KIF21A: variants seen among roughly 807,000 people sequenced by gnomAD.
The protein encoded by KIF21A is kinesin family member 21A, also known as kinesin-like protein KIF21A.
KIF21A carries 114 observed loss-of-function variants against 202.9 expected under a neutral mutation model. The ratio of observed to expected loss-of-function variants is 0.56; its 90% CI spans 0.48 to 0.66. KIF21A has a LOEUF of 0.66. Ranked by LOEUF, KIF21A falls within the 30% of genes least tolerant of loss-of-function variation. The pLI is 0.00. For synonymous variants in KIF21A, 667 were observed against 670.8 expected (o/e 0.99, Z 0.09); for missense variants, 1,677 against 1,994.9 (o/e 0.84, Z 3.04).
chr12:39,420,041 G>C (rs1050514369), intron 1 of KIF21A, among the ~76,000 whole-genome samples: 4 of 133,654 alleles, frequency 3.0e-5, no homozygotes, highest in Non-Finnish European at 4.6e-5. Context: ...AATGGCAACT[G>C]CTTCTCACCT....
intron 1 of KIF21A, among the ~76,000 whole-genome samples, chr12:39,406,678 T>C (rs1304034078): frequency 6.6e-6 from 1 of 152,242 alleles, no homozygotes; most frequent in African/African-American, 2.4e-5. Context: ...TCTTCCTTTC[T>C]TGGCTTCACC....
intron 1 of KIF21A, among the ~76,000 whole-genome samples, chr12:39,421,836 A>G (rs1954310317): frequency 1.4e-5 from 2 of 147,472 alleles, no homozygotes; most frequent in African/African-American, 4.9e-5. Flanking sequence ...TATATATTAT[A>G]TAATTACATA....
At chr12:39,337,414 A>C (rs1947074877) in intron 16 of KIF21A, 1 of 530,930 alleles carries the variant, frequency 1.9e-6, no homozygotes, top group African/African-American at 1.9e-5. Flanking sequence ...TTAGTATTCT[A>C]TGCTTTTTGT....
intron 1 of KIF21A, among the ~76,000 whole-genome samples, chr12:39,395,350 G>A (rs1216551479): frequency 6.6e-6 from 1 of 151,912 alleles, no homozygotes; most frequent in Non-Finnish European, 1.5e-5. Context: ...TGCCTGAAAT[G>A]CCCATCCCCA....
At chr12:39,355,341 A>G (rs1291723292) in intron 10 of KIF21A, among the ~76,000 whole-genome samples, 1 of 152,200 alleles carries the variant, frequency 6.6e-6, no homozygotes, top group Non-Finnish European at 1.5e-5. Context: ...TAATAGTGAC[A>G]TAAAGCTGAG....
chr12:39,375,901 G>A (rs1428212266), intron 1 of KIF21A, among the ~76,000 whole-genome samples: 41 of 152,022 alleles, frequency 2.7e-4, no homozygotes, highest in Admixed American at 2.7e-3. Context: ...CCACATGATA[G>A]CATCTTGCAC....
intron 1 of KIF21A, among the ~76,000 whole-genome samples, chr12:39,439,971 TTCA>T (rs1306982885): frequency 7.4e-6 from 1 of 135,266 alleles, no homozygotes; most frequent in African/African-American, 3.3e-5. Flanking sequence ...AATTATATTA[TTCA>T]TTAAAGGAAA....
chr12:39,421,965 T>A (rs892788088), intron 1 of KIF21A, among the ~76,000 whole-genome samples: 1 of 151,498 alleles, frequency 6.6e-6, no homozygotes, highest in South Asian at 2.1e-4. Context: ...TAGTACCTTT[T>A]TGTGGGATGG....
At chr12:39,389,733 C>G (rs548533390) in intron 1 of KIF21A, among the ~76,000 whole-genome samples, 6 of 152,232 alleles carry the variant, frequency 3.9e-5, no homozygotes, top group African/African-American at 1.4e-4. Context: ...ATCCATTACT[C>G]TTTTGGAGTG....
intron 37 of KIF21A, among the ~76,000 whole-genome samples, chr12:39,299,190 G>T (rs1942719806): frequency 6.6e-6 from 1 of 151,970 alleles, no homozygotes; most frequent in Non-Finnish European, 1.5e-5. Flanking sequence ...CAGAATGGGA[G>T]AAAATATTTG....
At chr12:39,380,980 T>C (rs1346912099) in intron 1 of KIF21A, among the ~76,000 whole-genome samples, 1 of 152,100 alleles carries the variant, frequency 6.6e-6, no homozygotes, top group Non-Finnish European at 1.5e-5. Flanking sequence ...AAGGGTCTCA[T>C]TATACTCTTC....
At chr12:39,415,454 A>G (rs1173939557) in intron 1 of KIF21A, among the ~76,000 whole-genome samples, 3 of 152,016 alleles carry the variant, frequency 2.0e-5, no homozygotes, top group Non-Finnish European at 2.9e-5. Flanking sequence ...ATTAGCCAGG[A>G]TGGTCTCGAT....
Position 39,304,907 on chromosome 12 carries a change from G to GGCT in KIF21A, c.4473_4474insAGC (p.His1491_Leu1492insSer). 6.3e-7 allele frequency: 1 copy of GGCT among 1,599,436 alleles called. No individual in the cohort carries two copies. The highest frequency in any genetic ancestry group is 1.1e-5 in the South Asian group (1 of 90,534). ...ACAGTAAGGCACATAACAGGGCCTAGGTGTCCTGTTAACTTTCCTGTAGAC... is the reference window on the plus strand; with the variant it reads ...ACAGTAAGGCACATAACAGGGCCTAGGCTGTGTCCTGTTAACTTTCCTGTAGAC... On this transcript the variant is annotated inframe_insertion, in exon 35 of 38. Transcript: ENST00000361418.
At chr12:39,391,119 T>C (rs1176893705) in intron 1 of KIF21A, among the ~76,000 whole-genome samples, 2 of 152,170 alleles carry the variant, frequency 1.3e-5, no homozygotes. Flanking sequence ...CACATACTGA[T>C]TCCATCACTG....
At chr12:39,298,050 A>C (rs961551423) in intron 37 of KIF21A, among the ~76,000 whole-genome samples, 1 of 152,118 alleles carries the variant, frequency 6.6e-6, no homozygotes, top group African/African-American at 2.4e-5. Flanking sequence ...TATTGTAAAC[A>C]AAGAGAAAAC....
intron 26 of KIF21A, among the ~76,000 whole-genome samples, chr12:39,325,498 A>ATTTTTTTTTTTTTTTTT (rs397714587): frequency 5.8e-5 from 7 of 121,444 alleles, no homozygotes; most frequent in East Asian, 2.4e-4. Flanking sequence ...CGCCCAGCTA[A>ATTTTTTTTTTTTTTTTT]TTTTTTTTTT....
intron 29 of KIF21A, among the ~76,000 whole-genome samples, chr12:39,317,730 C>A (rs1944714848): frequency 1.3e-5 from 2 of 152,128 alleles, no homozygotes; most frequent in African/African-American, 4.8e-5. Context: ...AAATTAGAGG[C>A]TTTTGTGGGC....
At chr12:39,346,571 C>T (rs532090445) in intron 11 of KIF21A, 67 bp from the exon 12 acceptor site, 52 of 1,125,580 alleles carry the variant, frequency 4.6e-5, no homozygotes, top group Middle Eastern at 2.1e-4. Context: ...CAGTAAAAAG[C>T]GAAAGTGATA....
At chr12:39,339,144 T>G (rs1947231242) in intron 16 of KIF21A, among the ~76,000 whole-genome samples, 1 of 150,396 alleles carries the variant, frequency 6.6e-6, no homozygotes, top group South Asian at 2.1e-4. Flanking sequence ...CTGGGCATGG[T>G]GGTGTGCACC....
Sources: allele counts gnomAD v4.1 joint callset (sites outside exome capture counted in the v4.1 genomes callset), GRCh38; gene constraint gnomAD v4.1.1; transcripts MANE v1.5; gene names NCBI Gene and HGNC (gene_info 2026-07-23, HGNC 2026-07-21).